USP50: variants seen among roughly 807,000 people sequenced by gnomAD.
USP50 encodes the protein ubiquitin carboxyl-terminal hydrolase 50.
In USP50, 37 loss-of-function variants were observed where a neutral mutation model predicts 39.2. That is an observed-to-expected ratio of 0.94 (90% confidence interval 0.73 to 1.24). The LOEUF is 1.24. Ranked by LOEUF, USP50 falls within the 50% of genes most tolerant of loss-of-function variation. The probability of loss-of-function intolerance (pLI) is 0.00; values close to 1 mark genes in which losing one functional copy is unlikely to be tolerated. For missense variants in USP50, 374 were observed against 398.2 expected (o/e 0.94, Z 0.52); for synonymous variants, 139 against 144.5 (o/e 0.96, Z 0.27).
downstream of USP50, chr15:50,496,965 AAC>A (rs2052438769): frequency 4.0e-6 from 5 of 1,248,168 alleles, no homozygotes; most frequent in South Asian, 6.1e-5. Flanking sequence ...GGAAGGCAGG[AAC>A]TCTTTTGTGT....
rs758182342 is a variant in USP50, at chr15:50,529,875, T to C, written c.858A>G (p.Pro286=). 20 of 1,613,958 alleles carry C rather than the reference T, an allele frequency of 1.2e-5. No individual in the cohort carries two copies. Among genetic ancestry groups the C allele is most frequent in the Non-Finnish European group, 1.7e-5 (20 of 1,179,868 alleles). Residue 286 remains proline, a synonymous_variant, in exon 6 of 7, where the codon CCA becomes CCG. Coordinates refer to ENST00000532404, the MANE Select transcript of USP50 (RefSeq NM_203494.5). ...KRKLRTDIHY[P]LTNLDLTPYI... ...AAGGAGTGAGGTCCAAGTTAGTGAG[T>C]GGGTAATGAATATCCGTTCTCAGCT... is the stretch of plus-strand genomic sequence containing the variant.
intron 6 of USP50, among the ~76,000 whole-genome samples, chr15:50,527,390 G>A (rs911878532): frequency 1.3e-5 from 2 of 151,698 alleles, no homozygotes; most frequent in Non-Finnish European, 2.9e-5. Context: ...TGTATTTTTA[G>A]TAGAGATGGG....
At chr15:50,536,364 G>A (rs1004571754) in intron 5 of USP50, among the ~76,000 whole-genome samples, 1 of 152,160 alleles carries the variant, frequency 6.6e-6, no homozygotes, top group Non-Finnish European at 1.5e-5. Flanking sequence ...AATATGGCTG[G>A]GCATGGTGGC....
At chr15:50,514,581 G>T (rs2052784208) in intron 6 of USP50, among the ~76,000 whole-genome samples, 1 of 152,106 alleles carries the variant, frequency 6.6e-6, no homozygotes, top group African/African-American at 2.4e-5. Context: ...CACCAGGCTG[G>T]AGTGCAGCGG....
chr15:50,519,132 C>T (rs759267459), intron 6 of USP50, among the ~76,000 whole-genome samples: 3 of 151,890 alleles, frequency 2.0e-5, no homozygotes, highest in African/African-American at 4.8e-5. Context: ...GCTAAAAATG[C>T]AAAACGTAGC....
intron 4 of USP50, 109 bp downstream of exon 4, chr15:50,540,940 A>T (rs921855891): frequency 2.4e-6 from 2 of 830,950 alleles, no homozygotes; most frequent in African/African-American, 3.5e-5. Context: ...TTTTTAAATT[A>T]AAGTTATAAA....
chr15:50,528,066 T>G (rs28624852), intron 6 of USP50, among the ~76,000 whole-genome samples: 8 of 766 alleles, frequency 0.01, no homozygotes, highest in Non-Finnish European at 0.051. Flanking sequence ...AAGAACTAAG[T>G]TTTTTTTTTT....
At position 50,500,571 on chromosome 15, in the gene USP50, A is replaced by T; in HGVS notation, c.*198T>A. The stretch of plus-strand genomic sequence containing the variant: ...ATGTTAATGATGCAAGTAAGTTCTA[A>T]GAGTTTAATGACCAAGCAAAACTCT... On this transcript the variant is annotated 3_prime_UTR_variant, in exon 7 of 7. Coordinates refer to ENST00000532404, the MANE Select transcript of USP50 (RefSeq NM_203494.5). 6 of 529,816 alleles carry T rather than the reference A, an allele frequency of 1.1e-5. No individual in the cohort carries two copies. The highest frequency in any genetic ancestry group is 2.0e-5 in the Non-Finnish European group (6 of 292,862). 32.8% of individuals were successfully genotyped at this position (529,816 alleles called of 1,614,324 possible).
At chr15:50,501,014 A>G (rs2052575489) in intron 6 of USP50, 177 bp from the exon 7 acceptor site, 4 of 569,484 alleles carry the variant, frequency 7.0e-6, no homozygotes, top group Non-Finnish European at 1.3e-5. Flanking sequence ...TTCTCATTTC[A>G]TTGTAACTAC....
chr15:50,495,691 T>C (rs879018621), downstream of USP50: 1 of 581,586 alleles, frequency 1.7e-6, no homozygotes, highest in South Asian at 2.7e-5. Flanking sequence ...TATTTTTGGC[T>C]AGAATTATTT....
chr15:50,546,637 T>C lies in USP50; in HGVS notation c.-112A>G, dbSNP rs1431779393. The C allele has an allele frequency of 2.0e-5, 23 of 1,154,432 alleles. No homozygotes were observed. The highest frequency in any genetic ancestry group is 2.7e-5 in the Non-Finnish European group (21 of 779,728). The allele number at this position is 1,154,432 out of a possible 1,614,324, so 71.5% of individuals were successfully genotyped here. ...GGCTTTTTGTTTTAAACAATTGATA[T>C]GCTCCTCTCTCTTCCAGTAGCTGCG... On this transcript the variant is annotated 5_prime_UTR_variant, in exon 1 of 7. Coordinates refer to ENST00000532404, the MANE Select transcript of USP50 (RefSeq NM_203494.5).
chr15:50,493,952 A>G (rs1040410382), downstream of USP50: 6 of 1,122,088 alleles, frequency 5.3e-6, no homozygotes, highest in Non-Finnish European at 8.1e-6. Context: ...ATAAATAAGT[A>G]GTTTAATGTA....
intron 6 of USP50, among the ~76,000 whole-genome samples, chr15:50,522,092 G>C (rs1314613615): frequency 6.6e-6 from 1 of 151,994 alleles, no homozygotes; most frequent in Non-Finnish European, 1.5e-5. Flanking sequence ...TAAACTCCTA[G>C]GTACATACAA....
downstream of USP50, chr15:50,493,294 G>T: frequency 3.9e-6 from 2 of 515,372 alleles, no homozygotes; most frequent in South Asian, 2.8e-5. Flanking sequence ...TATTTGACGT[G>T]AATCTGGTGG....
chr15:50,500,906 G>C, intron 6 of USP50, 69 bp from the exon 7 acceptor site: 1 of 1,254,568 alleles, frequency 8.0e-7, no homozygotes, highest in Non-Finnish European at 1.1e-6. Context: ...AGAAATGATA[G>C]GGCCAAGAGA....
At chr15:50,526,444 T>C (rs577339375) in intron 6 of USP50, among the ~76,000 whole-genome samples, 1 of 152,258 alleles carries the variant, frequency 6.6e-6, no homozygotes, top group South Asian at 2.1e-4. Context: ...TTCATTGTTT[T>C]AAAAAACACT....
At chr15:50,515,616 T>G (rs181308426) in intron 6 of USP50, among the ~76,000 whole-genome samples, 1 of 150,670 alleles carries the variant, frequency 6.6e-6, no homozygotes, top group Non-Finnish European at 1.5e-5. Flanking sequence ...ATAGGTTACT[T>G]TCTCAATTGT....
intron 6 of USP50, chr15:50,502,586 T>A (rs1241237769): frequency 6.6e-6 from 1 of 152,308 alleles, no homozygotes; most frequent in East Asian, 1.9e-4. Flanking sequence ...GCCAGGCTGG[T>A]CTTGAACTCC....
chr15:50,493,863 G>C (rs1177940080), downstream of USP50: 2 of 716,932 alleles, frequency 2.8e-6, no homozygotes, highest in South Asian at 1.5e-5. Context: ...AGACCATGCA[G>C]GGCTTGCAGC....
Sources: gnomAD v4.1 joint callset for allele counts (sites outside exome capture counted in the v4.1 genomes callset) on GRCh38, gnomAD v4.1.1 for gene constraint, MANE v1.5 for transcripts, NCBI Gene and HGNC (gene_info 2026-07-23, HGNC 2026-07-21) for gene names.